The following CD69 variants were observed in gnomAD, a reference collection of about 807,000 sequenced individuals.
CD69 encodes the protein early activation antigen CD69.
A neutral mutation model predicts 21.4 loss-of-function variants in CD69; 10 were observed. The observed-to-expected ratio is 0.47, with a 90% CI of 0.29 to 0.79. CD69 has a LOEUF of 0.79. Ranked by LOEUF, CD69 falls within the 30% of genes least tolerant of loss-of-function variation. The probability of loss-of-function intolerance (pLI) is 0.09; values close to 1 mark genes in which losing one functional copy is unlikely to be tolerated. For synonymous variants in CD69, 63 were observed against 78.2 expected, an observed-to-expected ratio of 0.81 and a Z score of 1.03; for missense variants, 204 against 236.9, an observed-to-expected ratio of 0.86 and a Z score of 0.91.
At chr12:9,759,082 C>A (rs3136568) in intron 1 of CD69, among the ~76,000 whole-genome samples, 141,096 of 151,816 alleles carry the variant, frequency 0.93, 66,467 homozygotes, top group East Asian at 1. Flanking sequence ...GGCGCCCGCC[C>A]CCACGCCCGG....
rs546395323 is a variant in CD69 at position 9,757,963 on chromosome 12, T to C, written c.65-1544A>G. Among the ~76,000 whole-genome samples the C allele has an allele frequency of 2.1e-3, 320 of 152,260 alleles. 3 individuals are homozygous for C. The South Asian group carries it at 0.023, about 11-fold the overall frequency. On this transcript the variant is annotated intron_variant, in intron 1 of 4. Transcript: ENST00000228434. Reference sequence around the variant, plus strand: ...GTAAAAATTTGAATTTTTCAAAAGATGTTAAAATAATAGAGGAAATGTAAC... The same window carrying C: ...GTAAAAATTTGAATTTTTCAAAAGACGTTAAAATAATAGAGGAAATGTAAC...
intron 1 of CD69, 92 bp downstream of exon 1, chr12:9,760,665 T>G (rs1400767091): frequency 1.1e-5 from 10 of 879,772 alleles, no homozygotes; most frequent in Non-Finnish European, 1.9e-5. Context: ...ATATATCATA[T>G]ATAGAGAGAT....
intron 4 of CD69, among the ~76,000 whole-genome samples, chr12:9,753,920 G>A (rs896854467): frequency 6.6e-6 from 1 of 152,186 alleles, no homozygotes; most frequent in African/African-American, 2.4e-5. Context: ...ATGCATACTA[G>A]TGCATACAGC....
chr12:9,760,799 C>A lies in CD69; in HGVS notation c.22G>T (p.Val8Leu), dbSNP rs767001061. The change falls in exon 1 of 5, where the codon GTA becomes TTA. Residue 8 changes from valine (V) to leucine (L), a missense_variant. Transcript: ENST00000228434. MSSENCF[V>L]AENSSLHPES... is the part of the protein sequence containing the mutation. The stretch of plus-strand genomic sequence containing the variant: ...GGATGCAAAGAGCTGTTCTCTGCTA[C>A]GAAACAATTTTCAGAGCTCATCTTT... The A allele has an allele frequency of 6.2e-7, 1 of 1,612,452 alleles. No individual in the cohort carries two copies. Among genetic ancestry groups the A allele is most frequent in the African/African-American group, 1.3e-5 (1 of 75,002 alleles).
intron 1 of CD69, 138 bp downstream of exon 1, chr12:9,760,619 C>G (rs1431441391): frequency 3.2e-6 from 2 of 619,486 alleles, no homozygotes; most frequent in Non-Finnish European, 2.8e-6. Context: ...TTAGATATCA[C>G]ATACATAGAG....
At chr12:9,760,218 T>C (rs1866720256) in intron 1 of CD69, among the ~76,000 whole-genome samples, 1 of 152,062 alleles carries the variant, frequency 6.6e-6, no homozygotes, top group African/African-American at 2.4e-5. Context: ...TTCCAGCAAC[T>C]AGAGGATGCT....
At chr12:9,758,862 T>C (rs758546749) in intron 1 of CD69, among the ~76,000 whole-genome samples, 1 of 152,300 alleles carries the variant, frequency 6.6e-6, no homozygotes, top group East Asian at 1.9e-4. Context: ...GCCCATCGGC[T>C]CAACGAGGGA....
In CD69 at chr12:9,756,425, A is replaced by G; in HGVS notation, c.65-6T>C. 1 of 1,612,662 alleles carries G rather than the reference A, an allele frequency of 6.2e-7. No homozygotes were observed. Among genetic ancestry groups the G allele is most frequent in the Non-Finnish European group, 8.5e-7 (1 of 1,179,082 alleles). ...ATGGGGACTGGTGGCATCATCTGGA[A>G]GGGAGAAAGTTGATGATGAGTTCAG... On this transcript the variant is annotated splice_region_variant and splice_polypyrimidine_tract_variant and intron_variant, in intron 1 of 4. Coordinates refer to ENST00000228434, the MANE Select transcript of CD69 (RefSeq NM_001781.2).
Position 9,753,449 on chromosome 12 carries a change from T to C in CD69, c.*32A>G. The C allele has an allele frequency of 1.0e-6, 1 of 953,006 alleles. No homozygotes were observed. The highest frequency in any genetic ancestry group is 1.4e-5 in the South Asian group (1 of 72,016). The allele number at this position is 953,006 out of a possible 1,614,324, so 59.0% of individuals were successfully genotyped here. On this transcript the variant is annotated 3_prime_UTR_variant, in exon 5 of 5. Transcript: ENST00000228434. ...ACACAGATTTCCTTGAGTTCCATTC[T>C]ATAATAGTCAATAAGTGAACATGTT...
intron 2 of CD69, 135 bp downstream of exon 2, chr12:9,756,162 G>T (rs1487367365): frequency 1.8e-6 from 1 of 563,628 alleles, no homozygotes; most frequent in Non-Finnish European, 3.0e-6. Context: ...TTAGGAAATT[G>T]GCCATATATG....
chr12:9,754,445 C>A, intron 4 of CD69, 142 bp downstream of exon 4: 3 of 572,014 alleles, frequency 5.2e-6, no homozygotes, highest in Non-Finnish European at 9.6e-6. Context: ...TAAAGAATTC[C>A]AGAGTATACG....
chr12:9,756,478 T>C, intron 1 of CD69, 59 bp from the exon 2 acceptor site: 2 of 1,370,644 alleles, frequency 1.5e-6, no homozygotes, highest in African/African-American at 2.9e-5. Context: ...TATAGGAATA[T>C]GCAACATTCT....
At chr12:9,754,889 T>C in intron 3 of CD69, 173 bp downstream of exon 3, 1 of 686,918 alleles carries the variant, frequency 1.5e-6, no homozygotes, top group East Asian at 2.7e-5. Context: ...TTAAATTAAA[T>C]CTCATTTTGA....
At position 9,758,992 on chromosome 12, in the gene CD69, T is replaced by C. The variant is rs2268142; in HGVS notation, c.64+1765A>G. On this transcript the variant is annotated intron_variant, in intron 1 of 4. Coordinates refer to ENST00000228434, the MANE Select transcript of CD69 (RefSeq NM_001781.2). The stretch of plus-strand genomic sequence containing the variant: ...TCGTCCAGGCTGGAGTGCAGTTGCG[T>C]GATCTCGGCTCACTGCAAGCTCCGC... Among the ~76,000 whole-genome samples the C allele has an allele frequency of 4.5e-3, 275 of 61,794 alleles. 1 individual carries two copies. The East Asian group carries it at 0.058, about 13-fold the overall frequency. The allele number at this position is 61,794 out of a possible 152,430, so 40.5% of individuals were successfully genotyped here.
intron 2 of CD69, among the ~76,000 whole-genome samples, 161 bp from the exon 3 acceptor site, chr12:9,755,422 C>T (rs935839576): frequency 2.6e-5 from 4 of 152,188 alleles, no homozygotes; most frequent in African/African-American, 9.7e-5. Context: ...AGAAAGTTCT[C>T]AGGACCATAT....
intron 4 of CD69, 154 bp downstream of exon 4, chr12:9,754,433 A>G: frequency 1.9e-6 from 1 of 538,650 alleles, no homozygotes; most frequent in Non-Finnish European, 3.4e-6. Flanking sequence ...AAAGCCTGTT[A>G]TTAAAGAATT....
rs182146718 is a variant in CD69 at position 9,758,960 on chromosome 12, C to T, written c.64+1797G>A. On this transcript the variant is annotated intron_variant, in intron 1 of 4. Coordinates refer to ENST00000228434, the MANE Select transcript of CD69 (RefSeq NM_001781.2). Reference sequence around the variant, plus strand: ...TTATTTATTTTTTGAGACGGAGTCTCGCTCTGTCGTCCAGGCTGGAGTGCA... The same window carrying T: ...TTATTTATTTTTTGAGACGGAGTCTTGCTCTGTCGTCCAGGCTGGAGTGCA... Among the ~76,000 whole-genome samples, 18 of 151,772 alleles carry T rather than the reference C, an allele frequency of 1.2e-4. No homozygotes were observed. The East Asian group carries it at 2.3e-3, about 20-fold the overall frequency.
intron 3 of CD69, 51 bp from the exon 4 acceptor site, chr12:9,754,741 G>T (rs767252237): frequency 1.8e-6 from 2 of 1,134,780 alleles, no homozygotes; most frequent in Non-Finnish European, 2.7e-6. Context: ...TTCTGGGGAA[G>T]TAGATAGTAA....
At chr12:9,759,278 T>C (rs975534120) in intron 1 of CD69, among the ~76,000 whole-genome samples, 1 of 152,156 alleles carries the variant, frequency 6.6e-6, no homozygotes, top group Admixed American at 6.5e-5. Flanking sequence ...CAGCACACTT[T>C]TGCTTTGATT....
Sources: allele counts gnomAD v4.1 joint callset (sites outside exome capture counted in the v4.1 genomes callset), GRCh38; gene constraint gnomAD v4.1.1; transcripts MANE v1.5; gene names NCBI Gene and HGNC (gene_info 2026-07-23, HGNC 2026-07-21).